Variants in IKZF3 observed in about 807,000 individuals in gnomAD.
IKZF3 encodes the protein zinc finger protein Aiolos.
IKZF3 carries 10 observed loss-of-function variants against 49.0 expected under a neutral mutation model. The ratio of observed to expected loss-of-function variants is 0.20; its 90% CI spans 0.13 to 0.35. IKZF3 has a LOEUF of 0.35. Among genes scored for constraint, IKZF3 ranks in the 10% least tolerant of loss-of-function variants. The pLI, the probability that IKZF3 is intolerant of heterozygous loss-of-function variation, is 1.00. For synonymous variants in IKZF3, 209 were observed against 228.2 expected (o/e 0.92, Z 0.76); for missense variants, 498 against 664.8 (o/e 0.75, Z 2.76).
intron 7 of IKZF3, among the ~76,000 whole-genome samples, chr17:39,773,637 T>C (rs2060500052): frequency 6.6e-6 from 1 of 152,224 alleles, no homozygotes; most frequent in African/African-American, 2.4e-5. Flanking sequence ...GGAGATGCTA[T>C]GGTAACCACT....
In IKZF3 at chr17:39,758,730, T is replaced by C. The variant is rs1470077779; in HGVS notation, c.*7060A>G. The C allele has an allele frequency of 6.6e-6, 1 of 151,570 alleles. No homozygotes were observed. The highest frequency in any genetic ancestry group is 6.6e-5 in the Admixed American group (1 of 15,198). The allele number at this position is 151,570 out of a possible 1,614,324, so 9.4% of individuals were successfully genotyped here. On this transcript the variant is annotated 3_prime_UTR_variant, in exon 8 of 8. Transcript: ENST00000346872. Reference sequence around the variant, plus strand: ...CCATGAAGTGTCTATAGCACGTGGTTAGCTCACGCTGGTTCCAAGGGTCAG... The same window carrying C: ...CCATGAAGTGTCTATAGCACGTGGTCAGCTCACGCTGGTTCCAAGGGTCAG...
intron 3 of IKZF3, among the ~76,000 whole-genome samples, chr17:39,819,027 C>T (rs2061741994): frequency 6.6e-6 from 1 of 152,142 alleles, no homozygotes; most frequent in Non-Finnish European, 1.5e-5. Context: ...TTTATTTACA[C>T]AAACATCCTA....
At chr17:39,802,190 C>A (rs1185855215) in intron 3 of IKZF3, among the ~76,000 whole-genome samples, 2 of 128,760 alleles carry the variant, frequency 1.6e-5, no homozygotes, top group African/African-American at 5.9e-5. Context: ...CCACTGCACT[C>A]CAGCCTGGGT....
chr17:39,794,560 C>T (rs35938199), intron 3 of IKZF3, among the ~76,000 whole-genome samples: 8,745 of 152,180 alleles, frequency 0.057, 390 homozygotes, highest in African/African-American at 0.12. Context: ...ATCAGAGGAG[C>T]CAGGGCTGCC....
At chr17:39,853,644 T>C (rs1027763781) in intron 1 of IKZF3, among the ~76,000 whole-genome samples, 9 of 151,992 alleles carry the variant, frequency 5.9e-5, no homozygotes, top group African/African-American at 1.7e-4. Context: ...AAGACTAGCC[T>C]GACCATCATG....
intron 6 of IKZF3, among the ~76,000 whole-genome samples, 157 bp downstream of exon 6, chr17:39,788,101 C>T (rs1278346562): frequency 6.6e-6 from 1 of 152,210 alleles, no homozygotes; most frequent in Non-Finnish European, 1.5e-5. Context: ...TAGCACTTAC[C>T]ACCCGCTAAC....
intron 1 of IKZF3, among the ~76,000 whole-genome samples, chr17:39,857,796 G>A (rs1403394226): frequency 6.6e-6 from 1 of 151,974 alleles, no homozygotes; most frequent in East Asian, 1.9e-4. Flanking sequence ...CTATGTGCTG[G>A]GGACTGGGTT....
chr17:39,862,696 T>TA (rs1213489679), intron 1 of IKZF3, among the ~76,000 whole-genome samples: 4 of 152,150 alleles, frequency 2.6e-5, no homozygotes, highest in African/African-American at 9.6e-5. Flanking sequence ...AACACAACTT[T>TA]AAAAAGTTAT....
chr17:39,785,428 C>G (rs1329334981), intron 6 of IKZF3, among the ~76,000 whole-genome samples: 1 of 152,112 alleles, frequency 6.6e-6, no homozygotes, highest in Non-Finnish European at 1.5e-5. Context: ...ACGCATCCAC[C>G]AAACCACCCT....
intron 3 of IKZF3, among the ~76,000 whole-genome samples, chr17:39,805,794 C>A (rs1400797361): frequency 6.6e-6 from 1 of 152,204 alleles, no homozygotes; most frequent in Non-Finnish European, 1.5e-5. Context: ...AAGATGCATC[C>A]TAGCTCTACT....
chr17:39,768,825 A>T (rs2060362848), intron 7 of IKZF3, among the ~76,000 whole-genome samples: 1 of 152,238 alleles, frequency 6.6e-6, no homozygotes, highest in South Asian at 2.1e-4. Context: ...ACGGAAAACC[A>T]GAATCACTTT....
At chr17:39,786,576 A>G (rs1445646109) in intron 6 of IKZF3, among the ~76,000 whole-genome samples, 1 of 152,212 alleles carries the variant, frequency 6.6e-6, no homozygotes, top group Non-Finnish European at 1.5e-5. Flanking sequence ...AGATAAAAGC[A>G]AAACAAAGAG....
At chr17:39,806,641 G>A (rs2061436878) in intron 3 of IKZF3, among the ~76,000 whole-genome samples, 1 of 152,156 alleles carries the variant, frequency 6.6e-6, no homozygotes. Context: ...GCTGGTGGGA[G>A]TGTAAAATGA....
chr17:39,844,083 C>T (rs1265324755), intron 1 of IKZF3, among the ~76,000 whole-genome samples: 2 of 152,204 alleles, frequency 1.3e-5, no homozygotes, highest in East Asian at 3.8e-4. Flanking sequence ...CTTCTTTACA[C>T]TTCAGTCCCC....
chr17:39,850,423 G>A (rs1176335604), intron 1 of IKZF3, among the ~76,000 whole-genome samples: 1 of 122,830 alleles, frequency 8.1e-6, no homozygotes, highest in Admixed American at 9.0e-5. Context: ...ATAGCATATT[G>A]TATGTATATA....
chr17:39,863,871 C>A (rs2063286720), intron 1 of IKZF3, among the ~76,000 whole-genome samples: 1 of 152,122 alleles, frequency 6.6e-6, no homozygotes, highest in Non-Finnish European at 1.5e-5. Flanking sequence ...GTAGGGTAGA[C>A]CCCCCATGTC....
In IKZF3 at chr17:39,788,171, A is replaced by G. The variant is rs577086269; in HGVS notation, c.709+87T>C. On this transcript the variant is annotated intron_variant, in intron 6 of 7. Coordinates refer to ENST00000346872, the MANE Select transcript of IKZF3 (RefSeq NM_012481.5). ...ATAATCTGTCTGCCCCCAGTAAAAT[A>G]TAAACTCCACGAGTCTTTTTACTTA... The G allele has an allele frequency of 1.7e-4, 131 of 773,144 alleles. No homozygotes were observed. The African/African-American group carries it at 2.0e-3, about 12-fold the overall frequency. The allele number at this position is 773,144 out of a possible 1,614,324, so 47.9% of individuals were successfully genotyped here.
chr17:39,863,993 T>C, intron 1 of IKZF3, 127 bp downstream of exon 1: 1 of 1,234,042 alleles, frequency 8.1e-7, no homozygotes, highest in Non-Finnish European at 1.2e-6. Flanking sequence ...CTGAAATACC[T>C]CATATTTACT....
chr17:39,806,799 G>A (rs904985635), intron 3 of IKZF3, among the ~76,000 whole-genome samples: 1 of 152,090 alleles, frequency 6.6e-6, no homozygotes, highest in Admixed American at 6.6e-5. Flanking sequence ...AAAAGTGATG[G>A]AAGGTGTCTC....
Sources: gnomAD v4.1 joint callset for allele counts (sites outside exome capture counted in the v4.1 genomes callset) on GRCh38, gnomAD v4.1.1 for gene constraint, MANE v1.5 for transcripts, NCBI Gene and HGNC (gene_info 2026-07-23, HGNC 2026-07-21) for gene names.